The following UNC5D variants were observed in gnomAD, a reference collection of about 807,000 sequenced individuals.
The protein encoded by UNC5D is netrin receptor UNC5D.
UNC5D carries 39 observed loss-of-function variants against 105.4 expected under a neutral mutation model. The ratio of observed to expected loss-of-function variants is 0.37; its 90% CI spans 0.29 to 0.48. UNC5D has a LOEUF of 0.48. Ranked by LOEUF, UNC5D falls within the 20% of genes least tolerant of loss-of-function variation. The pLI, the probability that UNC5D is intolerant of heterozygous loss-of-function variation, is 0.98. For synonymous variants in UNC5D, 452 were observed against 450.4 expected (o/e 1.00, Z -0.04); for missense variants, 991 against 1,202.4 (o/e 0.82, Z 2.60).
At chr8:35,247,610 A>G (rs1249149245) in intron 1 of UNC5D, among the ~76,000 whole-genome samples, 2 of 93,804 alleles carry the variant, frequency 2.1e-5, no homozygotes, top group East Asian at 2.8e-4. Context: ...ATATAAATAT[A>G]TATTATATAT....
At chr8:35,510,977 TA>T (rs1812664017) in intron 1 of UNC5D, among the ~76,000 whole-genome samples, 4 of 152,234 alleles carry the variant, frequency 2.6e-5, no homozygotes, top group African/African-American at 9.6e-5. Context: ...AAGCCTCCAT[TA>T]ATTGGCCTCC....
chr8:35,464,632 CT>C (rs912362397), intron 1 of UNC5D, among the ~76,000 whole-genome samples: 4 of 152,042 alleles, frequency 2.6e-5, no homozygotes, highest in African/African-American at 7.2e-5. Flanking sequence ...CCTCTGTTTC[CT>C]TTTTTTCTTC....
intron 1 of UNC5D, among the ~76,000 whole-genome samples, chr8:35,485,824 A>G (rs1318865537): frequency 6.6e-6 from 1 of 152,190 alleles, no homozygotes; most frequent in Admixed American, 6.5e-5. Flanking sequence ...ATGAAATAAC[A>G]TATGTAAAAC....
chr8:35,654,248 T>G (rs1214791164), intron 4 of UNC5D, among the ~76,000 whole-genome samples: 2 of 152,246 alleles, frequency 1.3e-5, no homozygotes, highest in Non-Finnish European at 2.9e-5. Flanking sequence ...ATCAATGAAT[T>G]CTGACTTCAC....
rs142741682 is a variant in UNC5D, at chr8:35,614,438, C to T, written c.570+18781C>T. 6.6e-5 allele frequency among the ~76,000 whole-genome samples: 10 copies of T among 152,186 alleles called. No homozygotes were observed. The East Asian group carries it at 1.7e-3, about 26-fold the overall frequency. ...TATAAATAATTAATCTAATTTGGTGCAGCCAAAGCAGAAAGAATGTCTAAT... is the reference window on the plus strand; with the variant it reads ...TATAAATAATTAATCTAATTTGGTGTAGCCAAAGCAGAAAGAATGTCTAAT... On this transcript the variant is annotated intron_variant, in intron 4 of 16. Coordinates refer to ENST00000404895, the MANE Select transcript of UNC5D (RefSeq NM_080872.4).
chr8:35,651,533 A>G (rs955434556), intron 4 of UNC5D, among the ~76,000 whole-genome samples: 4 of 152,348 alleles, frequency 2.6e-5, no homozygotes, highest in South Asian at 2.1e-4. Flanking sequence ...TATGTAATTC[A>G]TATTTTCAGC....
At chr8:35,540,483 T>G (rs1754870583) in intron 1 of UNC5D, among the ~76,000 whole-genome samples, 2 of 128,194 alleles carry the variant, frequency 1.6e-5, no homozygotes, top group Non-Finnish European at 1.7e-5. Flanking sequence ...GTGTGTGTGT[T>G]TCCTGGTTAT....
intron 1 of UNC5D, among the ~76,000 whole-genome samples, chr8:35,427,761 T>TTGTCCTCA (rs1229901160): frequency 6.6e-6 from 1 of 152,186 alleles, no homozygotes; most frequent in Non-Finnish European, 1.5e-5. Context: ...TTTAACAATT[T>TTGTCCTCA]TGTCCTCACT....
At chr8:35,386,912 G>A (rs1950045) in intron 1 of UNC5D, among the ~76,000 whole-genome samples, 134,472 of 151,920 alleles carry the variant, frequency 0.89, 59,625 homozygotes, top group East Asian at 1. Context: ...TCTGAAGGTG[G>A]TGATGAGGGG....
intron 13 of UNC5D, 39 bp downstream of exon 13, chr8:35,750,848 A>G: frequency 6.2e-7 from 1 of 1,609,072 alleles, no homozygotes; most frequent in Non-Finnish European, 8.5e-7. Context: ...TGGTGTCATG[A>G]AAGTGTGTGT....
chr8:35,500,023 T>G (rs1050147775), intron 1 of UNC5D, among the ~76,000 whole-genome samples: 11 of 152,206 alleles, frequency 7.2e-5, no homozygotes, highest in Non-Finnish European at 1.6e-4. Flanking sequence ...TAAACAGTAT[T>G]GAACAACAAC....
At chr8:35,261,078 G>A (rs965196912) in intron 1 of UNC5D, among the ~76,000 whole-genome samples, 35 of 152,198 alleles carry the variant, frequency 2.3e-4, no homozygotes, top group Non-Finnish European at 4.7e-4. Context: ...TATTCTGAGT[G>A]GTAGAGTTAC....
At chr8:35,263,367 G>T (rs1251396058) in intron 1 of UNC5D, among the ~76,000 whole-genome samples, 1 of 152,152 alleles carries the variant, frequency 6.6e-6, no homozygotes, top group African/African-American at 2.4e-5. Flanking sequence ...TCTGTGTGTA[G>T]CACATGATAC....
intron 11 of UNC5D, among the ~76,000 whole-genome samples, chr8:35,740,381 C>T (rs527245263): frequency 6.5e-4 from 99 of 152,236 alleles, no homozygotes; most frequent in African/African-American, 2.3e-3. Flanking sequence ...GAAGAAGGGG[C>T]CTTGAGCCAA....
chr8:35,322,503 G>A (rs1809826650), intron 1 of UNC5D, among the ~76,000 whole-genome samples: 2 of 152,126 alleles, frequency 1.3e-5, no homozygotes, highest in Admixed American at 6.6e-5. Flanking sequence ...ACAGTCTCAT[G>A]TTCCTTGTGT....
intron 8 of UNC5D, 50 bp downstream of exon 8, chr8:35,706,011 C>T (rs1348649811): frequency 1.7e-6 from 2 of 1,202,096 alleles, no homozygotes; most frequent in Non-Finnish European, 2.3e-6. Context: ...TATTTGCTGC[C>T]TTGCTGTTGT....
chr8:35,661,850 A>G (rs1160169485), intron 4 of UNC5D, among the ~76,000 whole-genome samples: 2 of 152,158 alleles, frequency 1.3e-5, no homozygotes, highest in African/African-American at 4.8e-5. Context: ...CTCACTGCAC[A>G]GGCTTCCTTT....
chr8:35,301,069 G>T (rs1460954790), intron 1 of UNC5D, among the ~76,000 whole-genome samples: 1 of 152,156 alleles, frequency 6.6e-6, no homozygotes, highest in Non-Finnish European at 1.5e-5. Context: ...CTTGCTCGTA[G>T]ATCTTGGTTT....
intron 1 of UNC5D, among the ~76,000 whole-genome samples, chr8:35,350,017 T>C (rs1365008224): frequency 6.6e-6 from 1 of 151,968 alleles, no homozygotes; most frequent in Admixed American, 6.6e-5. Flanking sequence ...AAACAGCACA[T>C]AATATTCTTG....
Sources: allele counts gnomAD v4.1 joint callset (sites outside exome capture counted in the v4.1 genomes callset), GRCh38; gene constraint gnomAD v4.1.1; transcripts MANE v1.5; gene names NCBI Gene and HGNC (gene_info 2026-07-23, HGNC 2026-07-21).